Variants in PDE11A observed in about 807,000 individuals in gnomAD.
The protein encoded by PDE11A is phosphodiesterase 11A, also known as dual 3',5'-cyclic-AMP and -GMP phosphodiesterase 11A.
In PDE11A, 100 loss-of-function variants were observed where a neutral mutation model predicts 100.5. The ratio of observed to expected loss-of-function variants is 1.00; its 90% CI spans 0.85 to 1.18. PDE11A has a LOEUF of 1.18. Among genes scored for constraint, PDE11A ranks in the 50% most tolerant of loss-of-function variants. The pLI is 0.00. For synonymous variants in PDE11A, 381 were observed against 420.8 expected (o/e 0.91, Z 1.16); for missense variants, 1,141 against 1,152.6 (o/e 0.99, Z 0.15).
In PDE11A at chr2:177,741,889, G is replaced by A. The variant is rs115661545; in HGVS notation, c.1789-13717C>T. ...TATCTGTACAGAAAAAAAATTAGCCGGGCACAGTGGTGCACGCCTGCAGTC... is the reference window on the plus strand; with the variant it reads ...TATCTGTACAGAAAAAAAATTAGCCAGGCACAGTGGTGCACGCCTGCAGTC... On this transcript the variant is annotated intron_variant, in intron 10 of 19. Transcript: ENST00000286063. 2.9e-3 allele frequency among the ~76,000 whole-genome samples: 445 copies of A among 152,174 alleles called. 2 individuals carry two copies. Among genetic ancestry groups the A allele is most frequent in the Admixed American group, 6.8e-3 (104 of 15,288 alleles).
intron 19 of PDE11A, among the ~76,000 whole-genome samples, chr2:177,643,487 G>A (rs1383561370): frequency 6.6e-6 from 1 of 152,168 alleles, no homozygotes; most frequent in Non-Finnish European, 1.5e-5. Context: ...CCTGGCGGAA[G>A]AAATTTCTAA....
intron 2 of PDE11A, among the ~76,000 whole-genome samples, chr2:178,097,178 GCTCGGCCAT>G: frequency 6.6e-6 from 1 of 152,178 alleles, no homozygotes; most frequent in East Asian, 1.9e-4. Flanking sequence ...GAGCCACCGT[GCTCGGCCAT>G]CTCTTACACA....
intron 1 of PDE11A, among the ~76,000 whole-genome samples, chr2:178,060,937 CTTTTTTT>C (rs71010855): frequency 2.6e-5 from 2 of 75,678 alleles, no homozygotes; most frequent in Admixed American, 2.0e-4. Flanking sequence ...TGTAAATATT[CTTTTTTT>C]TTTTTTTTTT....
chr2:177,648,421 T>G (rs2105456555), intron 19 of PDE11A, among the ~76,000 whole-genome samples: 1 of 152,304 alleles, frequency 6.6e-6, no homozygotes, highest in African/African-American at 2.4e-5. Context: ...TATAATAACT[T>G]TATAAATTAA....
chr2:177,812,839 C>G (rs1006857089), intron 9 of PDE11A, among the ~76,000 whole-genome samples: 1 of 152,210 alleles, frequency 6.6e-6, no homozygotes, highest in Non-Finnish European at 1.5e-5. Context: ...CTAAGAGATA[C>G]ACAGGTGCAA....
intron 2 of PDE11A, among the ~76,000 whole-genome samples, chr2:177,944,587 A>G (rs1217171687): frequency 2.6e-5 from 4 of 152,230 alleles, no homozygotes; most frequent in African/African-American, 9.6e-5. Flanking sequence ...CAGTTTTATT[A>G]GATCTCTGCA....
intron 17 of PDE11A, among the ~76,000 whole-genome samples, chr2:177,671,233 GCT>G (rs1241623053): frequency 6.6e-6 from 1 of 151,276 alleles, no homozygotes; most frequent in Non-Finnish European, 1.5e-5. Context: ...TTCTGTCGTT[GCT>G]CTTTCTCAAG....
chr2:177,925,255 A>T (rs200310618), intron 2 of PDE11A, among the ~76,000 whole-genome samples: 8,387 of 146,926 alleles, frequency 0.057, 296 homozygotes, highest in South Asian at 0.074. Context: ...AGTAATGGGA[A>T]GGCTGGGTCA....
chr2:177,769,143 C>A (rs2082276979), intron 10 of PDE11A, among the ~76,000 whole-genome samples, 180 bp downstream of exon 10: 1 of 152,066 alleles, frequency 6.6e-6, no homozygotes. Context: ...AATGACTACT[C>A]AGTTATACAA....
Position 177,820,270 on chromosome 2 carries a change from A to G in PDE11A, c.1526T>C (p.Ile509Thr), listed in dbSNP as rs1233721710. 13 of 1,590,838 alleles carry G rather than the reference A, an allele frequency of 8.2e-6. No homozygotes were observed. The highest frequency in any genetic ancestry group is 1.1e-5 in the Non-Finnish European group (13 of 1,159,334). The change falls in exon 7 of 20, where the codon ATA becomes ACA. Residue 509 changes from isoleucine to threonine, a missense_variant. By Grantham distance (89) the Ile-to-Thr change is moderately conservative (BLOSUM62 -1). Coordinates refer to ENST00000286063, the MANE Select transcript of PDE11A (RefSeq NM_016953.4). ...AEADQISGFHIRSVLCVPIWN... is the reference protein window; with the variant it reads ...AEADQISGFHTRSVLCVPIWN... ...AATAGGGACACAAAGAACAGATCTT[A>G]TGTGAAAACCAGATATCTGGTCTGC...
chr2:177,731,639 G>A (rs2081692970), intron 10 of PDE11A, among the ~76,000 whole-genome samples: 1 of 152,144 alleles, frequency 6.6e-6, no homozygotes, highest in South Asian at 2.1e-4. Flanking sequence ...TGGAGTGGGG[G>A]AGTAGAACAA....
At chr2:177,863,197 C>T (rs948976431) in intron 5 of PDE11A, among the ~76,000 whole-genome samples, 3 of 151,812 alleles carry the variant, frequency 2.0e-5, no homozygotes, top group Non-Finnish European at 1.5e-5. Context: ...ATGAAAAAGA[C>T]CTAAATATAA....
At chr2:177,715,297 G>A (rs1461871983) in intron 12 of PDE11A, among the ~76,000 whole-genome samples, 1 of 152,112 alleles carries the variant, frequency 6.6e-6, no homozygotes, top group East Asian at 1.9e-4. Context: ...TACTTTGAAT[G>A]TTATTTGATT....
chr2:178,082,003 G>A (rs1025545108), intron 2 of PDE11A, among the ~76,000 whole-genome samples: 4 of 152,212 alleles, frequency 2.6e-5, no homozygotes, highest in African/African-American at 9.6e-5. Context: ...CACAGTCATA[G>A]TGAAGGCCAT....
intron 9 of PDE11A, among the ~76,000 whole-genome samples, chr2:177,786,601 G>C (rs548753550): frequency 6.6e-6 from 1 of 152,192 alleles, no homozygotes; most frequent in South Asian, 2.1e-4. Context: ...AGCTACAGGA[G>C]GAAATTCAAA....
rs577952616 is a variant in PDE11A at position 177,637,577 on chromosome 2, T to C, written c.2647-8015A>G. ...GTCCTTTTAAGCCAAGTTTTAAAAG[T>C]GCTGGTTTTCAGCAATTTGATTCTC... On this transcript the variant is annotated intron_variant, in intron 19 of 19. Coordinates refer to ENST00000286063, the MANE Select transcript of PDE11A (RefSeq NM_016953.4). 1.3e-3 allele frequency among the ~76,000 whole-genome samples: 201 copies of C among 151,890 alleles called. 2 individuals carry two copies. The highest frequency in any genetic ancestry group is 4.7e-3 in the African/African-American group (196 of 41,420).
intron 10 of PDE11A, among the ~76,000 whole-genome samples, chr2:177,740,386 T>G (rs1574096070): frequency 6.6e-6 from 1 of 152,192 alleles, no homozygotes; most frequent in African/African-American, 2.4e-5. Flanking sequence ...CATTAGAAAC[T>G]TTTTTTCATC....
At position 177,683,049 on chromosome 2, in the gene PDE11A, G is replaced by A. The variant is rs77389369; in HGVS notation, c.2346-2146C>T. 1.6e-3 allele frequency among the ~76,000 whole-genome samples: 247 copies of A among 152,322 alleles called. 6 individuals carry two copies. In the East Asian group the frequency reaches 0.047, roughly 29 times the overall value. ...TGGGGGACAAAGGACAAGAGGTTGA[G>A]AACAACTGGCTCCTCTGTGTCTGGC... On this transcript the variant is annotated intron_variant, in intron 15 of 19. Coordinates refer to ENST00000286063, the MANE Select transcript of PDE11A (RefSeq NM_016953.4).
chr2:177,907,640 G>C (rs1296396789), intron 2 of PDE11A, among the ~76,000 whole-genome samples: 1 of 152,190 alleles, frequency 6.6e-6, no homozygotes, highest in East Asian at 1.9e-4. Flanking sequence ...GGCACTGGCT[G>C]TATCTTTCTG....
Sources: allele counts gnomAD v4.1 joint callset (sites outside exome capture counted in the v4.1 genomes callset), GRCh38; gene constraint gnomAD v4.1.1; transcripts MANE v1.5; gene names NCBI Gene and HGNC (gene_info 2026-07-23, HGNC 2026-07-21).